The following MAML3 variants were observed in gnomAD, a reference collection of about 807,000 sequenced individuals.
MAML3 encodes mastermind like transcriptional coactivator 3, also known as mastermind-like protein 3.
MAML3 carries 27 observed loss-of-function variants against 101.9 expected under a neutral mutation model. The ratio of observed to expected loss-of-function variants is 0.27; its 90% confidence interval spans 0.20 to 0.37. The LOEUF is 0.37. Ranked by LOEUF, MAML3 falls within the 10% of genes least tolerant of loss-of-function variation. The pLI is 1.00. For synonymous variants in MAML3, 501 were observed against 555.9 expected, an observed-to-expected ratio of 0.90 and a Z score of 1.39; for missense variants, 1,316 against 1,444.9, an observed-to-expected ratio of 0.91 and a Z score of 1.45.
At chr4:140,102,678 A>G (rs1003410748) in intron 1 of MAML3, among the ~76,000 whole-genome samples, 7 of 152,140 alleles carry the variant, frequency 4.6e-5, no homozygotes, top group Non-Finnish European at 1.0e-4. Flanking sequence ...TTGCAGGCAC[A>G]TGAGTCAGTC....
intron 2 of MAML3, among the ~76,000 whole-genome samples, chr4:139,768,795 T>C (rs983439776): frequency 3.9e-5 from 6 of 152,258 alleles, no homozygotes; most frequent in Non-Finnish European, 7.3e-5. Context: ...AAAGCTATCG[T>C]GGCTCTCTTG....
chr4:139,989,471 G>A (rs1267741930), intron 1 of MAML3, among the ~76,000 whole-genome samples: 7 of 151,978 alleles, frequency 4.6e-5, no homozygotes, highest in African/African-American at 7.3e-5. Flanking sequence ...ATGCAAATCT[G>A]GACAAAGTTT....
intron 2 of MAML3, among the ~76,000 whole-genome samples, chr4:139,769,916 C>CTT (rs139445743): frequency 0.012 from 1,574 of 132,228 alleles, 34 homozygotes; most frequent in African/African-American, 0.042. Flanking sequence ...CGCCCAGCCT[C>CTT]TTTTTTTTTT....
At chr4:139,999,500 A>G (rs115574560) in intron 1 of MAML3, among the ~76,000 whole-genome samples, 1,683 of 152,296 alleles carry the variant, frequency 0.011, 37 homozygotes, top group African/African-American at 0.038. Context: ...GCCTTATTCA[A>G]TTTCCAAAGC....
At chr4:139,833,412 C>T (rs1030053937) in intron 2 of MAML3, among the ~76,000 whole-genome samples, 6 of 152,144 alleles carry the variant, frequency 3.9e-5, no homozygotes, top group Admixed American at 2.0e-4. Context: ...GAAATGACAG[C>T]CACTTATTCT....
chr4:140,127,466 C>A (rs988400545), intron 1 of MAML3, among the ~76,000 whole-genome samples: 1 of 152,166 alleles, frequency 6.6e-6, no homozygotes, highest in Non-Finnish European at 1.5e-5. Context: ...ATAGTCACTG[C>A]AATGGGGCCT....
rs555178461 is a variant in MAML3, at chr4:139,893,472, C to T, written c.469-2505G>A. Reference sequence around the variant, plus strand: ...TGGTGAGTTCCAAGAAGGTAGGAACCGTGGCTGACGTGCTTACTGTGTAAG... The same window carrying T: ...TGGTGAGTTCCAAGAAGGTAGGAACTGTGGCTGACGTGCTTACTGTGTAAG... On this transcript the variant is annotated intron_variant, in intron 1 of 4. Coordinates refer to ENST00000509479, the MANE Select transcript of MAML3 (RefSeq NM_018717.5). Among the ~76,000 whole-genome samples the T allele has an allele frequency of 3.3e-5, 5 of 152,238 alleles. No individual in the cohort carries two copies. The East Asian group carries it at 5.8e-4, about 18-fold the overall frequency.
rs573065122 is a variant in MAML3, at chr4:139,920,360, C to G, written c.469-29393G>C. On this transcript the variant is annotated intron_variant, in intron 1 of 4. Coordinates refer to ENST00000509479, the MANE Select transcript of MAML3 (RefSeq NM_018717.5). Reference sequence around the variant, plus strand: ...TGCTTCTTCATTTGCTTACTGAGCCCAGGACTGGCTGTGTATCCACACCAG... The same window carrying G: ...TGCTTCTTCATTTGCTTACTGAGCCGAGGACTGGCTGTGTATCCACACCAG... Among the ~76,000 whole-genome samples, 3 of 152,274 alleles carry G rather than the reference C, an allele frequency of 2.0e-5. No homozygotes were observed. In the East Asian group the frequency reaches 5.8e-4, roughly 29 times the overall value.
chr4:140,129,406 T>C (rs1010867780), intron 1 of MAML3, among the ~76,000 whole-genome samples: 3 of 152,170 alleles, frequency 2.0e-5, no homozygotes, highest in Admixed American at 1.3e-4. Flanking sequence ...TTCTTATGCA[T>C]ACCTTCTTTG....
chr4:140,018,230 G>A (rs913981323), intron 1 of MAML3, among the ~76,000 whole-genome samples: 1 of 152,048 alleles, frequency 6.6e-6, no homozygotes, highest in Non-Finnish European at 1.5e-5. Context: ...ATATGTAACC[G>A]CACAAAAGCC....
intron 1 of MAML3, among the ~76,000 whole-genome samples, chr4:139,996,525 A>T (rs1734817696): frequency 6.6e-6 from 1 of 152,166 alleles, no homozygotes; most frequent in African/African-American, 2.4e-5. Flanking sequence ...AAATATCAAT[A>T]ATTATGAAAT....
At chr4:139,960,451 T>TA (rs1346806232) in intron 1 of MAML3, among the ~76,000 whole-genome samples, 1 of 152,196 alleles carries the variant, frequency 6.6e-6, no homozygotes, top group Non-Finnish European at 1.5e-5. Flanking sequence ...TCCTCTGCTA[T>TA]ACCAAGGGTA....
intron 1 of MAML3, among the ~76,000 whole-genome samples, chr4:140,053,609 T>C (rs528687429): frequency 6.6e-6 from 1 of 152,326 alleles, no homozygotes; most frequent in East Asian, 1.9e-4. Flanking sequence ...CACATATTTA[T>C]TTTAAAATTT....
chr4:140,111,924 T>C (rs1198926642), intron 1 of MAML3, among the ~76,000 whole-genome samples: 1 of 152,204 alleles, frequency 6.6e-6, no homozygotes, highest in African/African-American at 2.4e-5. Context: ...TTCTTTGTCT[T>C]CTTGATCTTG....
chr4:139,801,804 G>T (rs1560798650), intron 2 of MAML3, among the ~76,000 whole-genome samples: 1 of 152,102 alleles, frequency 6.6e-6, no homozygotes, highest in Admixed American at 6.5e-5. Flanking sequence ...AGGTGGGAAA[G>T]TTGTTAAATG....
chr4:140,142,480 T>C (rs1042486525), intron 1 of MAML3, among the ~76,000 whole-genome samples: 6 of 152,248 alleles, frequency 3.9e-5, no homozygotes, highest in Non-Finnish European at 8.8e-5. Context: ...CCCTCTCCAA[T>C]GTTCCAGCCA....
chr4:139,878,730 T>C (rs566924395), intron 2 of MAML3, among the ~76,000 whole-genome samples: 3 of 152,304 alleles, frequency 2.0e-5, no homozygotes, highest in African/African-American at 4.8e-5. Context: ...GGAAAGTTGC[T>C]TGTCTGCCAT....
At chr4:139,866,875 C>T (rs571990008) in intron 2 of MAML3, among the ~76,000 whole-genome samples, 2 of 152,260 alleles carry the variant, frequency 1.3e-5, no homozygotes, top group East Asian at 1.9e-4. Flanking sequence ...CAGCATATAG[C>T]GCTAATACAT....
chr4:139,844,923 T>C (rs916548706), intron 2 of MAML3, among the ~76,000 whole-genome samples: 6 of 152,236 alleles, frequency 3.9e-5, no homozygotes, highest in African/African-American at 1.4e-4. Flanking sequence ...CACCTTCCTT[T>C]CCTTTTGATA....
Sources: gnomAD v4.1 joint callset for allele counts (sites outside exome capture counted in the v4.1 genomes callset) on GRCh38, gnomAD v4.1.1 for gene constraint, MANE v1.5 for transcripts, NCBI Gene and HGNC (gene_info 2026-07-23, HGNC 2026-07-21) for gene names.